Variants in SLCO1B3 observed in about 807,000 individuals in gnomAD.
The protein encoded by SLCO1B3 is solute carrier organic anion transporter family member 1B3.
In SLCO1B3, 72 loss-of-function variants were observed where a neutral mutation model predicts 71.8. The observed-to-expected ratio is 1.00, with a 90% CI of 0.83 to 1.22. The LOEUF (loss-of-function observed/expected upper bound fraction) is 1.22, where lower values mean the gene tolerates loss of function less well. Ranked by LOEUF, SLCO1B3 falls within the 50% of genes most tolerant of loss-of-function variation. SLCO1B3 has a pLI of 0.00. For missense variants in SLCO1B3, 911 were observed against 819.7 expected, an observed-to-expected ratio of 1.11 and a Z score of -1.36; for synonymous variants, 298 against 278.4, an observed-to-expected ratio of 1.07 and a Z score of -0.70.
At chr12:20,834,285 AAT>A (rs34538992) in intron 3 of SLCO1B3, among the ~76,000 whole-genome samples, 2 of 141,780 alleles carry the variant, frequency 1.4e-5, no homozygotes, top group African/African-American at 2.5e-5. Context: ...ATACATGGAG[AAT>A]ATATATATAT....
intron 13 of SLCO1B3, among the ~76,000 whole-genome samples, chr12:20,891,057 T>C (rs935270300): frequency 6.6e-6 from 1 of 152,154 alleles, no homozygotes; most frequent in Non-Finnish European, 1.5e-5. Flanking sequence ...TCTATAATAT[T>C]GTTAATTATT....
intron 15 of SLCO1B3, among the ~76,000 whole-genome samples, 173 bp from the exon 16 acceptor site, chr12:20,915,831 A>G (rs1251710136): frequency 1.3e-5 from 2 of 152,154 alleles, no homozygotes; most frequent in Non-Finnish European, 1.5e-5. Context: ...TTTTTTAATA[A>G]TAGAAAAATA....
At chr12:20,865,832 T>C (rs1304621057) in intron 8 of SLCO1B3, among the ~76,000 whole-genome samples, 1 of 152,110 alleles carries the variant, frequency 6.6e-6, no homozygotes, top group African/African-American at 2.4e-5. Flanking sequence ...TTATAGACCT[T>C]ACATGATGCC....
intron 3 of SLCO1B3, among the ~76,000 whole-genome samples, chr12:20,843,281 A>G (rs1864840338): frequency 6.6e-6 from 1 of 152,134 alleles, no homozygotes; most frequent in South Asian, 2.1e-4. Flanking sequence ...CAAGTGTTTT[A>G]TTCACCTTGT....
At chr12:20,857,233 C>G (rs542571086) in intron 4 of SLCO1B3, among the ~76,000 whole-genome samples, 2 of 152,108 alleles carry the variant, frequency 1.3e-5, no homozygotes, top group African/African-American at 4.8e-5. Context: ...TAGCATGTAT[C>G]CGAGACTCTA....
rs1452430032 is a variant in SLCO1B3, at chr12:20,855,017, A to G, written c.85-11A>G. The G allele has an allele frequency of 2.5e-6, 4 of 1,605,510 alleles. No homozygotes were observed. Among genetic ancestry groups the G allele is most frequent in the African/African-American group, 2.7e-5 (2 of 74,182 alleles). ...TTAACCAATTTTCATTTTTTCTTCT[A>G]TTGTTTTTAGATGTTCTTGGCAGCC... is the stretch of plus-strand genomic sequence containing the variant. On this transcript the variant is annotated splice_polypyrimidine_tract_variant and intron_variant, in intron 3 of 15. Transcript: ENST00000381545.
intron 4 of SLCO1B3, 69 bp from the exon 5 acceptor site, chr12:20,858,370 G>T: frequency 9.0e-7 from 1 of 1,115,190 alleles, no homozygotes; most frequent in Non-Finnish European, 1.3e-6. Flanking sequence ...GCATTCATTT[G>T]GGGCATTCAG....
At chr12:20,822,191 G>A (rs1047512953) in intron 3 of SLCO1B3, among the ~76,000 whole-genome samples, 1 of 152,208 alleles carries the variant, frequency 6.6e-6, no homozygotes, top group Admixed American at 6.5e-5. Context: ...CAAATTTCAT[G>A]TGTGTCCATG....
At chr12:20,815,498 T>A (rs1864176838) in intron 2 of SLCO1B3, among the ~76,000 whole-genome samples, 176 bp from the exon 3 acceptor site, 1 of 152,218 alleles carries the variant, frequency 6.6e-6, no homozygotes, top group Non-Finnish European at 1.5e-5. Flanking sequence ...TAGGAGTTTG[T>A]CTCTGTCTTT....
chr12:20,814,115 G>A lies in SLCO1B3; in HGVS notation c.-66+477G>A, dbSNP rs548192875. Reference sequence around the variant, plus strand: ...ACATATACCTATATCTATGTTATGTGTCTGCTTATATACTTTATATACATA... The same window carrying A: ...ACATATACCTATATCTATGTTATGTATCTGCTTATATACTTTATATACATA... On this transcript the variant is annotated intron_variant, in intron 2 of 15. Transcript: ENST00000381545. 2.8e-4 allele frequency among the ~76,000 whole-genome samples: 42 copies of A among 152,050 alleles called. No individual in the cohort carries two copies. In the East Asian group the frequency reaches 7.5e-3, roughly 27 times the overall value.
At chr12:20,814,289 T>A (rs887601610) in intron 2 of SLCO1B3, among the ~76,000 whole-genome samples, 1 of 152,164 alleles carries the variant, frequency 6.6e-6, no homozygotes, top group African/African-American at 2.4e-5. Context: ...CTGAAACTTA[T>A]GATTTCTCAT....
At chr12:20,818,331 G>A (rs1056470079) in intron 3 of SLCO1B3, among the ~76,000 whole-genome samples, 13 of 152,140 alleles carry the variant, frequency 8.5e-5, no homozygotes, top group Admixed American at 5.9e-4. Flanking sequence ...TGACTAATAA[G>A]GGCTGGTCTT....
At chr12:20,815,882 A>G in intron 3 of SLCO1B3, 60 bp downstream of exon 3, 1 of 1,024,768 alleles carries the variant, frequency 9.8e-7, no homozygotes, top group East Asian at 2.5e-5. Context: ...TTATGTATAG[A>G]AAGGCCACTA....
intron 8 of SLCO1B3, 24 bp from the exon 9 acceptor site, chr12:20,875,211 G>T (rs771584718): frequency 4.3e-6 from 7 of 1,610,646 alleles, no homozygotes; most frequent in Non-Finnish European, 5.9e-6. Flanking sequence ...TTTTTGACTG[G>T]CTTCTTTTAA....
rs1300148350 is a variant in SLCO1B3, at chr12:20,875,297, G to C, written c.790G>C (p.Val264Leu). Residue 264 changes from valine to leucine, a missense_variant, in exon 9 of 16, where the codon GTG becomes CTG. Transcript: ENST00000381545. ...WVGAWWLGFL[V>L]SGLFSIISSI... ...TGGAGCTTGGTGGCTTGGTTTCCTT[G>C]TGTCTGGACTATTTTCCATTATTTC... is the stretch of plus-strand genomic sequence containing the variant. 4.3e-6 allele frequency: 7 copies of C among 1,613,222 alleles called. No homozygotes were observed. Among genetic ancestry groups the C allele is most frequent in the East Asian group, 2.2e-5 (1 of 44,862 alleles).
chr12:20,822,375 G>C (rs1413491842), intron 3 of SLCO1B3, among the ~76,000 whole-genome samples: 1 of 152,104 alleles, frequency 6.6e-6, no homozygotes, highest in Non-Finnish European at 1.5e-5. Flanking sequence ...TCTCTGGTGG[G>C]CAGGGGCGGG....
chr12:20,877,276 G>A (rs919735970), intron 9 of SLCO1B3, among the ~76,000 whole-genome samples: 1 of 152,066 alleles, frequency 6.6e-6, no homozygotes, highest in Non-Finnish European at 1.5e-5. Context: ...GATGTGAATA[G>A]TAAAGCGAAT....
At chr12:20,839,343 A>G (rs922390519) in intron 3 of SLCO1B3, among the ~76,000 whole-genome samples, 2 of 151,952 alleles carry the variant, frequency 1.3e-5, no homozygotes, top group Admixed American at 6.6e-5. Context: ...TTGCAAGGCA[A>G]CTCTGACGAG....
chr12:20,883,102 G>A (rs188514100), intron 12 of SLCO1B3, among the ~76,000 whole-genome samples: 37 of 152,192 alleles, frequency 2.4e-4, no homozygotes, highest in African/African-American at 8.4e-4. Flanking sequence ...TTCTTTCCCA[G>A]AGTAAGTCCC....
Sources: allele counts gnomAD v4.1 joint callset (sites outside exome capture counted in the v4.1 genomes callset), GRCh38; gene constraint gnomAD v4.1.1; transcripts MANE v1.5; gene names NCBI Gene and HGNC (gene_info 2026-07-23, HGNC 2026-07-21).